The following SEMA3D variants were observed in gnomAD, a reference collection of about 807,000 sequenced individuals.
SEMA3D encodes semaphorin-3D.
Under a neutral mutation model 100.1 loss-of-function variants are expected in SEMA3D, and 84 were observed. The ratio of observed to expected loss-of-function variants is 0.84; its 90% CI spans 0.70 to 1.01. SEMA3D has a LOEUF of 1.01. Ranked by LOEUF, SEMA3D falls within the 50% of genes least tolerant of loss-of-function variation. The pLI is 0.00. For missense variants in SEMA3D, 875 were observed against 934.1 expected (o/e 0.94, Z 0.82); for synonymous variants, 312 against 320.7 (o/e 0.97, Z 0.29).
chr7:85,188,175 C>T (rs1345563578), upstream of SEMA3D, among the ~76,000 whole-genome samples: 2 of 152,180 alleles, frequency 1.3e-5, no homozygotes, highest in African/African-American at 4.8e-5. Flanking sequence ...TTATCTGTGG[C>T]AGAGGGCTGA....
the SEMA3D span, among the ~76,000 whole-genome samples, chr7:85,209,079 G>A: frequency 6.6e-6 from 1 of 151,844 alleles, no homozygotes; most frequent in Non-Finnish European, 1.5e-5. Flanking sequence ...GACAAAATAT[G>A]TTAATTAAAA....
intron 11 of SEMA3D, among the ~76,000 whole-genome samples, chr7:85,037,974 C>T (rs1018840689): frequency 6.5e-5 from 9 of 138,380 alleles, no homozygotes; most frequent in South Asian, 2.2e-4. Context: ...TTTGTCCTTG[C>T]GAATAGGTGG....
chr7:85,054,816 A>T (rs1562798942), intron 9 of SEMA3D, among the ~76,000 whole-genome samples: 2 of 152,108 alleles, frequency 1.3e-5, no homozygotes, highest in African/African-American at 4.8e-5. Flanking sequence ...TTGATGCTAA[A>T]GGTGTCTTTT....
At chr7:85,082,198 T>A (rs1788083952) in intron 4 of SEMA3D, among the ~76,000 whole-genome samples, 1 of 152,184 alleles carries the variant, frequency 6.6e-6, no homozygotes, top group Non-Finnish European at 1.5e-5. Context: ...TTAAATAACG[T>A]GTTGAGGACC....
chr7:85,244,247 A>C, the SEMA3D span, among the ~76,000 whole-genome samples: 1 of 152,178 alleles, frequency 6.6e-6, no homozygotes, highest in East Asian at 1.9e-4. Context: ...ACTCACCTAT[A>C]ACAACTTGCT....
chr7:85,195,795 G>T, the SEMA3D span, among the ~76,000 whole-genome samples: 5 of 152,060 alleles, frequency 3.3e-5, no homozygotes, highest in Non-Finnish European at 5.9e-5. Flanking sequence ...CAAACAAAGA[G>T]ACTTTTTGGG....
the SEMA3D span, among the ~76,000 whole-genome samples, chr7:85,244,546 A>G: frequency 6.6e-6 from 1 of 152,214 alleles, no homozygotes; most frequent in African/African-American, 2.4e-5. Flanking sequence ...TTGAATATAA[A>G]ATAAACTGCA....
intron 4 of SEMA3D, among the ~76,000 whole-genome samples, chr7:85,091,088 AAG>A (rs1397968540): frequency 4.9e-5 from 7 of 142,534 alleles, no homozygotes; most frequent in African/African-American, 8.4e-5. Context: ...AAGAGAGAGA[AAG>A]AGAGAGGGAG....
intron 3 of SEMA3D, among the ~76,000 whole-genome samples, chr7:85,114,389 C>G (rs1309056381): frequency 1.3e-5 from 2 of 152,094 alleles, no homozygotes; most frequent in Non-Finnish European, 2.9e-5. Flanking sequence ...ATTGTGATTT[C>G]CAAAATGAAG....
intron 9 of SEMA3D, 21 bp downstream of exon 9, chr7:85,055,696 A>T (rs772060535): frequency 1.4e-6 from 1 of 737,042 alleles, no homozygotes; most frequent in East Asian, 4.2e-5. Context: ...GTTTTAAGTA[A>T]AATATATAAA....
chr7:85,200,073 A>C, the SEMA3D span, among the ~76,000 whole-genome samples: 2 of 152,128 alleles, frequency 1.3e-5, no homozygotes, highest in Non-Finnish European at 2.9e-5. Flanking sequence ...TGTCCATTAA[A>C]CCTGTTTCTT....
chr7:85,034,454 A>G (rs1465377079), intron 12 of SEMA3D, among the ~76,000 whole-genome samples: 1 of 151,898 alleles, frequency 6.6e-6, no homozygotes, highest in Non-Finnish European at 1.5e-5. Flanking sequence ...TAAAAATACA[A>G]AAATTAGCTG....
chr7:85,205,050 T>C, the SEMA3D span, among the ~76,000 whole-genome samples: 1 of 152,100 alleles, frequency 6.6e-6, no homozygotes, highest in Non-Finnish European at 1.5e-5. Context: ...ATTTTAAGCA[T>C]TTTTTTCACA....
At chr7:85,139,063 G>A (rs1340305029) in intron 2 of SEMA3D, among the ~76,000 whole-genome samples, 2 of 152,080 alleles carry the variant, frequency 1.3e-5, no homozygotes, top group African/African-American at 2.4e-5. Flanking sequence ...TATGAGAGGT[G>A]AGATTGCCAA....
chr7:85,067,389 T>A (rs534424872), intron 7 of SEMA3D, among the ~76,000 whole-genome samples: 1 of 152,158 alleles, frequency 6.6e-6, no homozygotes, highest in African/African-American at 2.4e-5. Context: ...ATTAGTCACA[T>A]AATTTTCAAA....
At chr7:85,141,778 CATAAATCT>C in intron 2 of SEMA3D, 1 of 805,726 alleles carries the variant, frequency 1.2e-6, no homozygotes, top group Non-Finnish European at 1.5e-6. Flanking sequence ...TGCCAAGTCT[CATAAATCT>C]GGGAAAAGGC....
chr7:85,128,938 C>CTAGA (rs145115321), intron 2 of SEMA3D, among the ~76,000 whole-genome samples: 1 of 130,890 alleles, frequency 7.6e-6, no homozygotes, highest in East Asian at 2.2e-4. Context: ...GTAACTGAAG[C>CTAGA]TAGAGTGCAG....
At chr7:85,005,595 T>TTAAA (rs1203869901) in intron 18 of SEMA3D, among the ~76,000 whole-genome samples, 3 of 152,104 alleles carry the variant, frequency 2.0e-5, no homozygotes, top group Admixed American at 1.3e-4. Flanking sequence ...AGCTATATCT[T>TTAAA]TAAATTAATT....
chr7:85,054,088 AC>A (rs1791243137), intron 9 of SEMA3D, among the ~76,000 whole-genome samples: 1 of 152,018 alleles, frequency 6.6e-6, no homozygotes, highest in Non-Finnish European at 1.5e-5. Context: ...ATATGGGATA[AC>A]TAGATTTTTC....
Sources: gnomAD v4.1 joint callset for allele counts (sites outside exome capture counted in the v4.1 genomes callset) on GRCh38, gnomAD v4.1.1 for gene constraint, MANE v1.5 for transcripts, NCBI Gene and HGNC (gene_info 2026-07-23, HGNC 2026-07-21) for gene names.